The following ULK4 variants were observed in gnomAD, a reference collection of about 807,000 sequenced individuals.
ULK4 encodes unc-51 like kinase 4.
ULK4 carries 133 observed loss-of-function variants against 160.6 expected under a neutral mutation model. The ratio of observed to expected loss-of-function variants is 0.83; its 90% CI spans 0.72 to 0.96. The LOEUF (loss-of-function observed/expected upper bound fraction) is 0.96, where lower values mean the gene tolerates loss of function less well. ULK4 is among the 40% of genes least tolerant of loss of function. The probability of loss-of-function intolerance (pLI) is 0.00; values close to 1 mark genes in which losing one functional copy is unlikely to be tolerated. For synonymous variants in ULK4, 534 were observed against 539.8 expected (o/e 0.99, Z 0.15); for missense variants, 1,580 against 1,499.5 (o/e 1.05, Z -0.89).
chr3:41,729,230 A>C (rs1464311071), intron 22 of ULK4, among the ~76,000 whole-genome samples: 3 of 152,176 alleles, frequency 2.0e-5, no homozygotes, highest in Non-Finnish European at 2.9e-5. Context: ...AATCATGAGG[A>C]AATTCCCCCT....
chr3:41,663,815 T>G, intron 29 of ULK4, 116 bp from the exon 30 acceptor site: 1 of 824,024 alleles, frequency 1.2e-6, no homozygotes, highest in South Asian at 1.6e-5. Context: ...TTTTACACAC[T>G]AATAAAGATT....
chr3:41,660,702 C>T (rs1461912516), intron 30 of ULK4, among the ~76,000 whole-genome samples: 1 of 152,094 alleles, frequency 6.6e-6, no homozygotes, highest in Non-Finnish European at 1.5e-5. Flanking sequence ...TCCCCTTGAC[C>T]TTTGGAGCCT....
intron 32 of ULK4, among the ~76,000 whole-genome samples, chr3:41,555,166 C>T (rs1164921759): frequency 6.6e-6 from 1 of 151,204 alleles, no homozygotes; most frequent in East Asian, 1.9e-4. Flanking sequence ...GAAGTAAATC[C>T]CAAAACTGAT....
intron 1 of ULK4, among the ~76,000 whole-genome samples, chr3:41,957,820 C>T (rs935490789): frequency 2.0e-5 from 3 of 151,974 alleles, no homozygotes; most frequent in African/African-American, 4.8e-5. Flanking sequence ...GTTCAATTGA[C>T]GCCGGGAGTT....
chr3:41,673,924 G>A (rs1475506560), intron 29 of ULK4, among the ~76,000 whole-genome samples: 1 of 152,076 alleles, frequency 6.6e-6, no homozygotes, highest in Non-Finnish European at 1.5e-5. Flanking sequence ...TTGCCCACAG[G>A]AATGTAAGCT....
At chr3:41,486,381 G>T (rs763050727) in intron 32 of ULK4, among the ~76,000 whole-genome samples, 2 of 152,102 alleles carry the variant, frequency 1.3e-5, no homozygotes, top group Non-Finnish European at 2.9e-5. Context: ...AAAGTGTGCA[G>T]AAATAAACAA....
intron 31 of ULK4, among the ~76,000 whole-genome samples, chr3:41,605,912 A>T (rs1174472596): frequency 6.6e-6 from 1 of 152,072 alleles, no homozygotes; most frequent in Non-Finnish European, 1.5e-5. Context: ...TATGTTCTCT[A>T]ACTACAGTGT....
At chr3:41,883,448 C>A (rs1043520537) in intron 17 of ULK4, among the ~76,000 whole-genome samples, 1 of 152,186 alleles carries the variant, frequency 6.6e-6, no homozygotes, top group African/African-American at 2.4e-5. Flanking sequence ...TTAAGTGTAA[C>A]ATACGTTAAC....
At chr3:41,326,468 A>G (rs984628917) in intron 35 of ULK4, among the ~76,000 whole-genome samples, 3 of 151,480 alleles carry the variant, frequency 2.0e-5, no homozygotes, top group Non-Finnish European at 4.4e-5. Context: ...ATATATATAT[A>G]TACATACAAG....
At chr3:41,459,637 G>A (rs1298473561) in intron 33 of ULK4, among the ~76,000 whole-genome samples, 2 of 152,202 alleles carry the variant, frequency 1.3e-5, no homozygotes, top group East Asian at 3.9e-4. Context: ...AGGTTAAGGA[G>A]GGAAGTAGGA....
At chr3:41,490,279 C>T (rs908646960) in intron 32 of ULK4, among the ~76,000 whole-genome samples, 41 of 152,166 alleles carry the variant, frequency 2.7e-4, no homozygotes, top group African/African-American at 9.2e-4. Flanking sequence ...CTGAGCATCA[C>T]GCCATCACTT....
chr3:41,341,044 C>T lies in ULK4; in HGVS notation c.3678+57035G>A, dbSNP rs1274427690. ...AAGCTGGATATAGAGCCATCTTCCT[C>T]AAATATCCAAATGGAAGTCCAGCTG... On this transcript the variant is annotated intron_variant, in intron 35 of 36. Transcript: ENST00000301831. Among the ~76,000 whole-genome samples the T allele has an allele frequency of 2.0e-5, 3 of 152,296 alleles. No homozygotes were observed. The East Asian group carries it at 5.8e-4, about 29-fold the overall frequency.
intron 21 of ULK4, among the ~76,000 whole-genome samples, chr3:41,767,642 T>C (rs1214174969): frequency 2.0e-5 from 3 of 152,096 alleles, no homozygotes; most frequent in African/African-American, 4.8e-5. Flanking sequence ...AAAAAAAGAA[T>C]TCACTTTTTT....
intron 22 of ULK4, among the ~76,000 whole-genome samples, chr3:41,736,012 G>A (rs1236106308): frequency 1.3e-5 from 2 of 151,584 alleles, no homozygotes; most frequent in African/African-American, 2.4e-5. Flanking sequence ...CCCTACAAAG[G>A]ACATGAACTC....
intron 25 of ULK4, among the ~76,000 whole-genome samples, chr3:41,706,789 C>T (rs1048190312): frequency 1.4e-5 from 2 of 146,362 alleles, no homozygotes; most frequent in African/African-American, 2.5e-5. Context: ...GATCATGCCA[C>T]TGCAGTCCAG....
intron 34 of ULK4, among the ~76,000 whole-genome samples, chr3:41,415,222 G>T (rs931556499): frequency 3.3e-5 from 5 of 152,194 alleles, no homozygotes; most frequent in Non-Finnish European, 4.4e-5. Context: ...GAGGATAAAT[G>T]TGTTAACAGT....
chr3:41,265,379 G>A (rs1302913160), intron 35 of ULK4, among the ~76,000 whole-genome samples: 1 of 152,196 alleles, frequency 6.6e-6, no homozygotes, highest in African/African-American at 2.4e-5. Context: ...GGAAACAGCT[G>A]GTAGGGCCAC....
chr3:41,784,136 T>C (rs2039932634), intron 21 of ULK4, among the ~76,000 whole-genome samples: 1 of 152,064 alleles, frequency 6.6e-6, no homozygotes, highest in Non-Finnish European at 1.5e-5. Context: ...TGCCAATAGT[T>C]CAAAAAGTTT....
chr3:41,843,783 T>G (rs929490152), intron 17 of ULK4, among the ~76,000 whole-genome samples: 1 of 152,168 alleles, frequency 6.6e-6, no homozygotes, highest in Non-Finnish European at 1.5e-5. Context: ...GGCAGCCTGC[T>G]TTTATTCTCT....
Sources: allele counts gnomAD v4.1 joint callset (sites outside exome capture counted in the v4.1 genomes callset), GRCh38; gene constraint gnomAD v4.1.1; transcripts MANE v1.5; gene names NCBI Gene and HGNC (gene_info 2026-07-23, HGNC 2026-07-21).